EYA2: variants seen among roughly 807,000 people sequenced by gnomAD.
EYA2 encodes protein phosphatase EYA2.
EYA2 carries 31 observed loss-of-function variants against 69.2 expected under a neutral mutation model. That is an observed-to-expected ratio of 0.45 (90% CI 0.34 to 0.60). The LOEUF (loss-of-function observed/expected upper bound fraction) is 0.60, where lower values mean the gene tolerates loss of function less well. Ranked by LOEUF, EYA2 falls within the 20% of genes least tolerant of loss-of-function variation. EYA2 has a pLI of 0.02. For missense variants in EYA2, 622 were observed against 701.2 expected, an observed-to-expected ratio of 0.89 and a Z score of 1.28; for synonymous variants, 257 against 279.4, an observed-to-expected ratio of 0.92 and a Z score of 0.80.
chr20:47,171,002 G>A (rs2034308628), intron 11 of EYA2, among the ~76,000 whole-genome samples: 1 of 152,230 alleles, frequency 6.6e-6, no homozygotes, highest in South Asian at 2.1e-4. Context: ...CAGCCATTCG[G>A]AAAATCCCTT....
intron 7 of EYA2, among the ~76,000 whole-genome samples, chr20:47,074,707 G>A (rs1420717227): frequency 1.3e-5 from 2 of 152,208 alleles, no homozygotes; most frequent in African/African-American, 2.4e-5. Context: ...AACTAAGTGT[G>A]TCTGCTCTTT....
intron 9 of EYA2, among the ~76,000 whole-genome samples, chr20:47,119,145 C>T (rs937577944): frequency 1.3e-5 from 2 of 152,202 alleles, no homozygotes; most frequent in Non-Finnish European, 2.9e-5. Flanking sequence ...CTCACCTGCA[C>T]TTTTTACACT....
At chr20:46,977,239 C>T (rs1410419693) in intron 1 of EYA2, among the ~76,000 whole-genome samples, 1 of 152,090 alleles carries the variant, frequency 6.6e-6, no homozygotes, top group Non-Finnish European at 1.5e-5. Context: ...GAGGTAGTGC[C>T]CCAATGTGGC....
chr20:46,904,228 C>A lies in EYA2; in HGVS notation c.-11+9241C>A, dbSNP rs569856225. 3.9e-5 allele frequency among the ~76,000 whole-genome samples: 6 copies of A among 152,086 alleles called. No homozygotes were observed. The East Asian group carries it at 5.8e-4, about 15-fold the overall frequency. ...AGGCTTAAAAGAGTGGCTGGCACAC[C>A]GAGCACAGAGCAGGGTGTTTGGCAC... On this transcript the variant is annotated intron_variant, in intron 1 of 15. Coordinates refer to ENST00000327619, the MANE Select transcript of EYA2 (RefSeq NM_005244.5).
In EYA2 at chr20:47,169,141, T is replaced by C. The variant is rs1372156750; in HGVS notation, c.981T>C (p.Asp327=). The change falls in exon 11 of 16, where the codon GAT becomes GAC. Residue 327 remains aspartate (D), a splice_region_variant and synonymous_variant. Coordinates refer to ENST00000327619, the MANE Select transcript of EYA2 (RefSeq NM_005244.5). The part of the protein sequence containing the change: ...DTHLFFNDLE[D]CDQIHVDDVS... ...TCTCTCTGTCAAATTTTCCATAGGA[T>C]TGTGACCAGATCCACGTTGATGACG... The C allele has an allele frequency of 1.9e-6, 3 of 1,613,678 alleles. No individual in the cohort carries two copies. Among genetic ancestry groups the C allele is most frequent in the Non-Finnish European group, 8.5e-7 (1 of 1,179,786 alleles).
intron 1 of EYA2, among the ~76,000 whole-genome samples, chr20:46,949,520 G>C (rs908032400): frequency 1.3e-5 from 2 of 152,184 alleles, no homozygotes; most frequent in Non-Finnish European, 2.9e-5. Context: ...GGTATAGCTG[G>C]ATCAGGGTTG....
At chr20:46,941,847 C>T (rs1463361116) in intron 1 of EYA2, among the ~76,000 whole-genome samples, 1 of 151,908 alleles carries the variant, frequency 6.6e-6, no homozygotes, top group Non-Finnish European at 1.5e-5. Flanking sequence ...TAGCCTCAAA[C>T]TCCTGGGCTC....
chr20:46,926,361 A>C lies in EYA2; in HGVS notation c.-11+31374A>C, dbSNP rs368592993. On this transcript the variant is annotated intron_variant, in intron 1 of 15. Transcript: ENST00000327619. ...TGCAACCTGGAGACCCAGGCAAGCC[A>C]GTGGTGTAATTCTGTCCCATTTCAA... is the stretch of plus-strand genomic sequence containing the variant. Among the ~76,000 whole-genome samples the C allele has an allele frequency of 2.2e-4, 33 of 152,352 alleles. No individual in the cohort carries two copies. The South Asian group carries it at 2.7e-3, about 12-fold the overall frequency.
chr20:47,063,636 C>A (rs1477065964), intron 5 of EYA2, among the ~76,000 whole-genome samples: 4 of 152,156 alleles, frequency 2.6e-5, no homozygotes, highest in Admixed American at 2.6e-4. Context: ...TGATTGTGGG[C>A]CAAGTCTTCA....
At chr20:47,090,406 A>G (rs367863025) in intron 8 of EYA2, among the ~76,000 whole-genome samples, 3 of 152,038 alleles carry the variant, frequency 2.0e-5, no homozygotes, top group African/African-American at 7.2e-5. Context: ...TGCTCAGCTA[A>G]TTTTTGTATT....
intron 9 of EYA2, among the ~76,000 whole-genome samples, chr20:47,113,254 T>A (rs1033460454): frequency 2.6e-5 from 4 of 152,074 alleles, no homozygotes; most frequent in Non-Finnish European, 5.9e-5. Flanking sequence ...TGAGGGAGTT[T>A]TCAGGATCCA....
chr20:46,971,524 A>C (rs1980144957), intron 1 of EYA2, among the ~76,000 whole-genome samples: 1 of 152,228 alleles, frequency 6.6e-6, no homozygotes, highest in Non-Finnish European at 1.5e-5. Context: ...CCTAACTGCA[A>C]GGGAACCTGG....
At chr20:46,943,691 G>A (rs563981319) in intron 1 of EYA2, among the ~76,000 whole-genome samples, 1 of 152,310 alleles carries the variant, frequency 6.6e-6, no homozygotes, top group Non-Finnish European at 1.5e-5. Flanking sequence ...AAACTAAAGA[G>A]GATGGCAGCA....
rs150337105 is a variant in EYA2, at chr20:47,133,592, C to T, written c.889-9467C>T. On this transcript the variant is annotated intron_variant, in intron 9 of 15. Transcript: ENST00000327619. ...ATGATTGACTAGAACTCACAAGGCTCAGAGAAGCTGTTAGACTCACAGTTA... is the reference window on the plus strand; with the variant it reads ...ATGATTGACTAGAACTCACAAGGCTTAGAGAAGCTGTTAGACTCACAGTTA... 1.1e-4 allele frequency among the ~76,000 whole-genome samples: 16 copies of T among 152,202 alleles called. No individual in the cohort carries two copies. In the East Asian group the frequency reaches 2.5e-3, roughly 24 times the overall value.
At position 47,022,093 on chromosome 20, in the gene EYA2, G is replaced by A. The variant is rs76053038; in HGVS notation, c.415+5796G>A. Among the ~76,000 whole-genome samples, 155 of 152,308 alleles carry A rather than the reference G, an allele frequency of 1.0e-3. 7 individuals carry two copies. In the East Asian group the frequency reaches 0.027, roughly 27 times the overall value. ...CATCTTTGCTACAGGACTTTTCAGA[G>A]CCTTTGCAGGCTGTTGTGCCTTGTA... On this transcript the variant is annotated intron_variant, in intron 5 of 15. Coordinates refer to ENST00000327619, the MANE Select transcript of EYA2 (RefSeq NM_005244.5).
intron 7 of EYA2, among the ~76,000 whole-genome samples, chr20:47,081,329 A>G (rs966829923): frequency 2.0e-5 from 3 of 148,426 alleles, no homozygotes; most frequent in African/African-American, 5.0e-5. Context: ...TGTTTTTAGT[A>G]AAAAAAAAAT....
chr20:47,161,607 C>G (rs1012351456), intron 10 of EYA2: 2 of 247,912 alleles, frequency 8.1e-6, no homozygotes, highest in African/African-American at 4.6e-5. Context: ...GCCCTGTCCG[C>G]GGCTATGACC....
At chr20:46,966,415 A>G (rs983981978) in intron 1 of EYA2, among the ~76,000 whole-genome samples, 2 of 152,230 alleles carry the variant, frequency 1.3e-5, no homozygotes, top group African/African-American at 4.8e-5. Context: ...GAGCATGTTA[A>G]GGTCTCCAGC....
At chr20:46,940,868 G>A (rs1165208714) in intron 1 of EYA2, among the ~76,000 whole-genome samples, 3 of 152,198 alleles carry the variant, frequency 2.0e-5, no homozygotes, top group East Asian at 1.9e-4. Flanking sequence ...TGCCATCCAC[G>A]GGCAACCCGC....
Sources: allele counts gnomAD v4.1 joint callset (sites outside exome capture counted in the v4.1 genomes callset), GRCh38; gene constraint gnomAD v4.1.1; transcripts MANE v1.5; gene names NCBI Gene and HGNC (gene_info 2026-07-23, HGNC 2026-07-21).